AHRR: variants seen among roughly 807,000 people sequenced by gnomAD.
AHRR encodes ahR repressor.
Under a neutral mutation model 44.0 loss-of-function variants are expected in AHRR, and 28 were observed. The observed-to-expected ratio is 0.64, with a 90% CI of 0.47 to 0.87. The LOEUF (loss-of-function observed/expected upper bound fraction) is 0.87, where lower values mean the gene tolerates loss of function less well. Ranked by LOEUF, AHRR falls within the 40% of genes least tolerant of loss-of-function variation. The pLI, the probability that AHRR is intolerant of heterozygous loss-of-function variation, is 0.00. For synonymous variants in AHRR, 434 were observed against 407.0 expected, an observed-to-expected ratio of 1.07 and a Z score of -0.80; for missense variants, 990 against 953.9, an observed-to-expected ratio of 1.04 and a Z score of -0.50.
chr5:393,252 G>A (rs755349682), intron 4 of AHRR, among the ~76,000 whole-genome samples: 15 of 152,140 alleles, frequency 9.9e-5, no homozygotes, highest in Non-Finnish European at 1.9e-4. Context: ...CCCTCCCCAC[G>A]TTGGCAGCAC....
intron 4 of AHRR, among the ~76,000 whole-genome samples, chr5:399,790 C>T (rs1734933166): frequency 6.6e-6 from 1 of 152,216 alleles, no homozygotes; most frequent in African/African-American, 2.4e-5. Context: ...GCCTGCTCTT[C>T]TAGGGCCCCG....
intron 4 of AHRR, among the ~76,000 whole-genome samples, chr5:401,692 A>G (rs1404014456): frequency 6.6e-6 from 1 of 152,232 alleles, no homozygotes; most frequent in Non-Finnish European, 1.5e-5. Flanking sequence ...ACAGAGTGTG[A>G]TTTAACCCTC....
intron 3 of AHRR, 74 bp downstream of exon 3, chr5:353,985 T>C: frequency 6.7e-7 from 1 of 1,485,902 alleles, no homozygotes; most frequent in South Asian, 1.3e-5. Context: ...TGGGGCCTTG[T>C]GGCCAGGTGA....
chr5:376,575 TG>T, intron 3 of AHRR, 34 bp from the exon 4 acceptor site: 4 of 219,086 alleles, frequency 1.8e-5, no homozygotes, highest in African/African-American at 4.8e-5. Context: ...GGCCAAGGGT[TG>T]GGGGTGCCTA....
At chr5:415,648 C>T (rs868201680) in intron 5 of AHRR, among the ~76,000 whole-genome samples, 1,048 of 104,178 alleles carry the variant, frequency 0.01, 6 homozygotes, top group Non-Finnish European at 0.013. Flanking sequence ...CCTGGTGGGG[C>T]GGGAGGCCTA....
chr5:340,700 T>A (rs1411399457), intron 1 of AHRR, among the ~76,000 whole-genome samples: 849 of 55,304 alleles, frequency 0.015, 36 homozygotes, highest in Non-Finnish European at 0.026. Flanking sequence ...TTTTTTTTTT[T>A]TTTTTTTTTT....
intron 2 of AHRR, among the ~76,000 whole-genome samples, chr5:346,263 A>G (rs913157081): frequency 6.6e-6 from 1 of 152,184 alleles, no homozygotes; most frequent in Non-Finnish European, 1.5e-5. Flanking sequence ...AATCACAGAA[A>G]ACTTAAAATC....
At chr5:432,768 G>A (rs777392856) in intron 9 of AHRR, 38 bp from the exon 10 acceptor site, 63 of 1,612,912 alleles carry the variant, frequency 3.9e-5, no homozygotes, top group Admixed American at 1.0e-4. Flanking sequence ...TCCTCAGCTC[G>A]CACCGTGACG....
chr5:332,148 T>C (rs554250069), intron 1 of AHRR, among the ~76,000 whole-genome samples: 1 of 152,270 alleles, frequency 6.6e-6, no homozygotes, highest in African/African-American at 2.4e-5. Context: ...TTTATTCCAC[T>C]GTGGTTTGAG....
At chr5:327,074 A>G (rs1741738984) in intron 1 of AHRR, among the ~76,000 whole-genome samples, 1 of 152,222 alleles carries the variant, frequency 6.6e-6, no homozygotes, top group African/African-American at 2.4e-5. Flanking sequence ...CAACGGCAAC[A>G]GCAACAAGAA....
At chr5:378,085 G>C (rs1733818591) in intron 4 of AHRR, among the ~76,000 whole-genome samples, 1 of 152,240 alleles carries the variant, frequency 6.6e-6, no homozygotes, top group Non-Finnish European at 1.5e-5. Flanking sequence ...ATTGCATCTG[G>C]TAGGTTGTAT....
intron 3 of AHRR, among the ~76,000 whole-genome samples, chr5:356,124 A>G (rs2126400853): frequency 6.6e-6 from 1 of 152,348 alleles, no homozygotes; most frequent in East Asian, 1.9e-4. Context: ...TTTAATGTTA[A>G]TGTGACTGTT....
At chr5:365,234 A>G (rs1272459297) in intron 3 of AHRR, among the ~76,000 whole-genome samples, 1 of 152,216 alleles carries the variant, frequency 6.6e-6, no homozygotes, top group East Asian at 1.9e-4. Context: ...TGGTAAATAT[A>G]TGGAAAACTT....
intron 7 of AHRR, among the ~76,000 whole-genome samples, chr5:424,498 A>G (rs1736297471): frequency 6.6e-6 from 1 of 152,042 alleles, no homozygotes; most frequent in Admixed American, 6.5e-5. Context: ...AGCTCTGTGC[A>G]CCCGGCGATG....
At chr5:373,264 G>A (rs1347699032) in intron 3 of AHRR, among the ~76,000 whole-genome samples, 1 of 152,236 alleles carries the variant, frequency 6.6e-6, no homozygotes, top group South Asian at 2.1e-4. Flanking sequence ...CCCTGCACCC[G>A]GCTGGGTCTC....
rs139555574 is a variant in AHRR at position 423,715 on chromosome 5, G to A, written c.572-126G>A. Reference sequence around the variant, plus strand: ...TGACATCTAGAGGGATGCTGGGGGCGGGAGGATGGCACAGTGATAGGGTTT... The same window carrying A: ...TGACATCTAGAGGGATGCTGGGGGCAGGAGGATGGCACAGTGATAGGGTTT... On this transcript the variant is annotated intron_variant, in intron 6 of 10. Transcript: ENST00000684583. The A allele has an allele frequency of 1.7e-4, 223 of 1,276,016 alleles. 2 individuals are homozygous for A. In the African/African-American group the frequency reaches 2.8e-3, roughly 16 times the overall value. 79.0% of individuals were successfully genotyped at this position (1,276,016 alleles called of 1,614,324 possible).
In AHRR at chr5:367,260, G is replaced by A. The variant is rs145889159; in HGVS notation, c.245-9350G>A. Among the ~76,000 whole-genome samples, 454 of 152,356 alleles carry A rather than the reference G, an allele frequency of 3.0e-3. 1 individual carries two copies. Among genetic ancestry groups the A allele is most frequent in the Middle Eastern group, 6.8e-3 (2 of 294 alleles). The stretch of plus-strand genomic sequence containing the variant: ...CCAGGGAGGCAGGGGGAGAACGGGA[G>A]TTCGTGGGCACGTGGTGGGCCCTCA... On this transcript the variant is annotated intron_variant, in intron 3 of 10. Transcript: ENST00000684583.
At chr5:366,547 C>T (rs1743366301) in intron 3 of AHRR, among the ~76,000 whole-genome samples, 1 of 152,174 alleles carries the variant, frequency 6.6e-6, no homozygotes, top group African/African-American at 2.4e-5. Context: ...GTAACCACTA[C>T]AGTCATAATT....
At chr5:409,264 T>C (rs7703462) in intron 4 of AHRR, among the ~76,000 whole-genome samples, 28,141 of 152,232 alleles carry the variant, frequency 0.18, 3,972 homozygotes, top group African/African-American at 0.4. Context: ...ATTTGTAGCT[T>C]TTGATTATTA....
Sources: gnomAD v4.1 joint callset for allele counts (sites outside exome capture counted in the v4.1 genomes callset) on GRCh38, gnomAD v4.1.1 for gene constraint, MANE v1.5 for transcripts, NCBI Gene and HGNC (gene_info 2026-07-23, HGNC 2026-07-21) for gene names.